Variants in CNTNAP4 observed in about 807,000 individuals in gnomAD.
The protein encoded by CNTNAP4 is contactin associated protein family member 4.
CNTNAP4 carries 98 observed loss-of-function variants against 148.4 expected under a neutral mutation model. The observed-to-expected ratio is 0.66, with a 90% confidence interval of 0.56 to 0.78. The LOEUF (loss-of-function observed/expected upper bound fraction) is 0.78, where lower values mean the gene tolerates loss of function less well. Among genes scored for constraint, CNTNAP4 ranks in the 30% least tolerant of loss-of-function variants. CNTNAP4 has a pLI of 0.00. For missense variants in CNTNAP4, 1,935 were observed against 1,565.6 expected, an observed-to-expected ratio of 1.24 and a Z score of -3.98; for synonymous variants, 730 against 565.1, an observed-to-expected ratio of 1.29 and a Z score of -4.14.
intron 2 of CNTNAP4, among the ~76,000 whole-genome samples, chr16:76,347,124 G>T (rs1964967957): frequency 7.1e-6 from 1 of 140,958 alleles, no homozygotes; most frequent in Non-Finnish European, 1.5e-5. Context: ...CTGTGTAGGT[G>T]TGAGGCAATT....
intron 3 of CNTNAP4, among the ~76,000 whole-genome samples, chr16:76,391,822 G>T (rs2017023161): frequency 6.6e-6 from 1 of 152,172 alleles, no homozygotes; most frequent in South Asian, 2.1e-4. Flanking sequence ...CTCAGTCACT[G>T]CTTCAGACGT....
At chr16:76,396,183 G>A (rs984167429) in intron 3 of CNTNAP4, among the ~76,000 whole-genome samples, 21 of 152,170 alleles carry the variant, frequency 1.4e-4, no homozygotes, top group African/African-American at 2.7e-4. Context: ...GACCTTAGGC[G>A]TTTATATAGC....
chr16:76,397,086 G>C (rs1329597404), intron 3 of CNTNAP4, among the ~76,000 whole-genome samples: 2 of 151,890 alleles, frequency 1.3e-5, no homozygotes, highest in East Asian at 3.9e-4. Flanking sequence ...GCTTCTATTT[G>C]GGTAAACATG....
In CNTNAP4 at chr16:76,537,366, A is replaced by C. The variant is rs576416484; in HGVS notation, c.2996-750A>C. ...TTCAATAACCAGTCCTTTTTCAGTA[A>C]TGGAGAGAAGCAGATTCAGGGATTT... On this transcript the variant is annotated intron_variant, in intron 18 of 23. Transcript: ENST00000611870. Among the ~76,000 whole-genome samples the C allele has an allele frequency of 5.9e-5, 9 of 152,248 alleles. No homozygotes were observed. The South Asian group carries it at 1.9e-3, about 32-fold the overall frequency.
At chr16:76,341,482 T>G (rs1964464947) in intron 2 of CNTNAP4, among the ~76,000 whole-genome samples, 1 of 152,176 alleles carries the variant, frequency 6.6e-6, no homozygotes, top group Admixed American at 6.5e-5. Context: ...CTGACCAGAT[T>G]TGGCAACTTC....
intron 1 of CNTNAP4, among the ~76,000 whole-genome samples, chr16:76,306,536 A>G (rs1416467620): frequency 6.6e-6 from 1 of 152,228 alleles, no homozygotes; most frequent in Non-Finnish European, 1.5e-5. Context: ...GCAAAAAGTG[A>G]AAAATCTAAC....
At chr16:76,336,048 C>A (rs180865739) in intron 2 of CNTNAP4, among the ~76,000 whole-genome samples, 1 of 152,162 alleles carries the variant, frequency 6.6e-6, no homozygotes, top group Non-Finnish European at 1.5e-5. Context: ...TAGACAAATC[C>A]CTGTAGGCAT....
At chr16:76,462,178 C>T in intron 9 of CNTNAP4, 73 bp downstream of exon 9, 1 of 1,321,342 alleles carries the variant, frequency 7.6e-7, no homozygotes, top group Non-Finnish European at 1.0e-6. Flanking sequence ...TTGGCGAAGT[C>T]ATCATGTTTT....
chr16:76,494,754 A>G (rs2082341186), intron 13 of CNTNAP4, among the ~76,000 whole-genome samples, 156 bp from the exon 14 acceptor site: 1 of 152,200 alleles, frequency 6.6e-6, no homozygotes, highest in African/African-American at 2.4e-5. Flanking sequence ...AGGAAATGCC[A>G]GCAATCATAC....
At position 76,284,390 on chromosome 16, in the gene CNTNAP4, A is replaced by G. The variant is rs1167573304; in HGVS notation, c.85+6643A>G. 2.0e-5 allele frequency among the ~76,000 whole-genome samples: 3 copies of G among 151,960 alleles called. No homozygotes were observed. In the East Asian group the frequency reaches 5.8e-4, roughly 29 times the overall value. On this transcript the variant is annotated intron_variant, in intron 1 of 23. Coordinates refer to ENST00000611870, the MANE Select transcript of CNTNAP4 (RefSeq NM_033401.5). ...TGCTAATATCAGTTTGATTTTGATC[A>G]CTTTAAAAAGAAAAATCTCAGAAAG...
At position 76,468,684 on chromosome 16, in the gene CNTNAP4, C is replaced by A. The variant is rs146721144; in HGVS notation, c.1655+1161C>A. Reference sequence around the variant, plus strand: ...ATTTTTTTGTAGAGACAGGGTTTTGCCATGTTCAGGTTGTTATGCCCACTT... The same window carrying A: ...ATTTTTTTGTAGAGACAGGGTTTTGACATGTTCAGGTTGTTATGCCCACTT... On this transcript the variant is annotated intron_variant, in intron 10 of 23. Transcript: ENST00000611870. Among the ~76,000 whole-genome samples the A allele has an allele frequency of 4.4e-4, 67 of 151,938 alleles. No homozygotes were observed. The East Asian group carries it at 0.01, about 23-fold the overall frequency.
chr16:76,494,844 A>G (rs943937040), intron 13 of CNTNAP4, 66 bp from the exon 14 acceptor site: 1 of 1,448,548 alleles, frequency 6.9e-7, no homozygotes, highest in East Asian at 2.3e-5. Flanking sequence ...AAGAAAAGGA[A>G]TTATATTGGG....
chr16:76,438,232 C>G (rs1210114001), intron 4 of CNTNAP4, among the ~76,000 whole-genome samples: 1 of 152,042 alleles, frequency 6.6e-6, no homozygotes, highest in Non-Finnish European at 1.5e-5. Context: ...ACATTTCCCT[C>G]AGATCCTTGG....
chr16:76,345,488 A>T (rs1964827531), intron 2 of CNTNAP4, among the ~76,000 whole-genome samples: 1 of 152,208 alleles, frequency 6.6e-6, no homozygotes, highest in Admixed American at 6.5e-5. Context: ...TGGGAGAGGG[A>T]TTGAACTCAA....
rs116520008 is a variant in CNTNAP4, at chr16:76,367,326, G to A, written c.390+11815G>A. Among the ~76,000 whole-genome samples, 413 of 151,998 alleles carry A rather than the reference G, an allele frequency of 2.7e-3. 6 individuals are homozygous for A. The highest frequency in any genetic ancestry group is 9.4e-3 in the African/African-American group (392 of 41,518). ...GAAAAAAGTATTAAAAGAAAATATA[G>A]GACAATGTAAAGATACACATGTAAT... is the stretch of plus-strand genomic sequence containing the variant. On this transcript the variant is annotated intron_variant, in intron 3 of 23. Transcript: ENST00000611870.
At chr16:76,410,224 A>T (rs1326776247) in intron 3 of CNTNAP4, among the ~76,000 whole-genome samples, 2 of 151,798 alleles carry the variant, frequency 1.3e-5, no homozygotes, top group East Asian at 3.9e-4. Context: ...TGCTGGAATA[A>T]TGATTGTTGA....
At chr16:76,382,354 TC>T (rs1162200016) in intron 3 of CNTNAP4, among the ~76,000 whole-genome samples, 1 of 152,064 alleles carries the variant, frequency 6.6e-6, no homozygotes, top group Non-Finnish European at 1.5e-5. Flanking sequence ...AAAACAGTAA[TC>T]TGTGTATTTT....
chr16:76,486,612 G>GTTA (rs2143743149), intron 12 of CNTNAP4, among the ~76,000 whole-genome samples: 1 of 152,324 alleles, frequency 6.6e-6, no homozygotes, highest in South Asian at 2.1e-4. Context: ...CATCTTGGAA[G>GTTA]TTAGAGATAG....
chr16:76,321,642 A>G (rs890374313), intron 2 of CNTNAP4, among the ~76,000 whole-genome samples: 1 of 151,822 alleles, frequency 6.6e-6, no homozygotes, highest in African/African-American at 2.4e-5. Context: ...ACAAAAAATT[A>G]GCCGGGCGTG....
Sources: gnomAD v4.1 joint callset for allele counts (sites outside exome capture counted in the v4.1 genomes callset) on GRCh38, gnomAD v4.1.1 for gene constraint, MANE v1.5 for transcripts, NCBI Gene and HGNC (gene_info 2026-07-23, HGNC 2026-07-21) for gene names.